The following XKR4 variants were observed in gnomAD, a reference collection of about 807,000 sequenced individuals.
The protein encoded by XKR4 is XK-related protein 4.
A neutral mutation model predicts 53.9 loss-of-function variants in XKR4; 12 were observed. That is an observed-to-expected ratio of 0.22 (90% CI 0.14 to 0.36). The LOEUF (loss-of-function observed/expected upper bound fraction) is 0.36, where lower values mean the gene tolerates loss of function less well. Ranked by LOEUF, XKR4 falls within the 10% of genes least tolerant of loss-of-function variation. XKR4 has a pLI of 1.00. For missense variants in XKR4, 799 were observed against 859.5 expected (o/e 0.93, Z 0.88); for synonymous variants, 354 against 362.4 (o/e 0.98, Z 0.26).
intron 2 of XKR4, among the ~76,000 whole-genome samples, chr8:55,510,312 G>A (rs1413522683): frequency 6.6e-6 from 1 of 152,198 alleles, no homozygotes; most frequent in African/African-American, 2.4e-5. Context: ...GGGTCTCCAG[G>A]CAGAAGGTGG....
chr8:55,494,478 C>G (rs139449659), intron 2 of XKR4, among the ~76,000 whole-genome samples: 6 of 152,278 alleles, frequency 3.9e-5, no homozygotes, highest in Admixed American at 6.5e-5. Context: ...AAGTTCTTGT[C>G]CTGCATCCAG....
intron 2 of XKR4, among the ~76,000 whole-genome samples, chr8:55,434,923 C>T (rs531470847): frequency 1.4e-4 from 22 of 152,316 alleles, no homozygotes; most frequent in Middle Eastern, 6.8e-3. Context: ...GTTCACCCTG[C>T]AGCCCATCAT....
intron 1 of XKR4, chr8:55,140,277 G>A (rs543904442): frequency 3.5e-6 from 1 of 282,250 alleles, no homozygotes; most frequent in East Asian, 1.1e-4. Flanking sequence ...GAAGGGAAGT[G>A]TGACAATTCA....
rs78624988 is a variant in XKR4, at chr8:55,183,202, T to C, written c.806+79908T>C. Among the ~76,000 whole-genome samples, 360 of 151,784 alleles carry C rather than the reference T, an allele frequency of 2.4e-3. 9 individuals are homozygous for C. The East Asian group carries it at 0.063, about 27-fold the overall frequency. Reference sequence around the variant, plus strand: ...TCATAGATTTAAAAATACATATCTTTCTATTTTCAATTTCATTGATTTCTG... The same window carrying C: ...TCATAGATTTAAAAATACATATCTTCCTATTTTCAATTTCATTGATTTCTG... On this transcript the variant is annotated intron_variant, in intron 1 of 2. Coordinates refer to ENST00000327381, the MANE Select transcript of XKR4 (RefSeq NM_052898.2).
chr8:55,468,639 C>G (rs1018476377), intron 2 of XKR4, among the ~76,000 whole-genome samples: 5 of 152,072 alleles, frequency 3.3e-5, no homozygotes, highest in African/African-American at 1.2e-4. Flanking sequence ...TCAAATCTCT[C>G]CTTTTTTATA....
intron 1 of XKR4, among the ~76,000 whole-genome samples, chr8:55,181,727 T>C (rs1282991914): frequency 2.0e-5 from 3 of 152,104 alleles, no homozygotes; most frequent in African/African-American, 7.2e-5. Flanking sequence ...AGTCAGCTGG[T>C]AGAATGAAGA....
chr8:55,289,684 A>AAAGAAAGAAAGAAAGG (rs71256529), intron 1 of XKR4, among the ~76,000 whole-genome samples: 5 of 146,714 alleles, frequency 3.4e-5, no homozygotes, highest in Middle Eastern at 7.0e-3. Context: ...AAAGAGAAAG[A>AAAGAAAGAAAGAAAGG]AAGAAAGAAA....
chr8:55,169,269 T>G (rs1262712543), intron 1 of XKR4, among the ~76,000 whole-genome samples: 3 of 152,252 alleles, frequency 2.0e-5, no homozygotes, highest in African/African-American at 7.2e-5. Context: ...TCGTAGTTCT[T>G]TAAGCCTTTC....
intron 1 of XKR4, among the ~76,000 whole-genome samples, chr8:55,276,716 G>A (rs555995232): frequency 4.5e-4 from 68 of 152,244 alleles, no homozygotes; most frequent in Non-Finnish European, 7.6e-4. Flanking sequence ...TACTATTTCA[G>A]TAAATATTGG....
chr8:55,357,357 A>G (rs1287824192), intron 1 of XKR4, among the ~76,000 whole-genome samples: 1 of 152,218 alleles, frequency 6.6e-6, no homozygotes, highest in Non-Finnish European at 1.5e-5. Context: ...AAACTGACAA[A>G]AAAGAATGTA....
At chr8:55,246,216 G>A (rs563526820) in intron 1 of XKR4, among the ~76,000 whole-genome samples, 6 of 152,274 alleles carry the variant, frequency 3.9e-5, no homozygotes, top group African/African-American at 9.6e-5. Flanking sequence ...CTGAATTGAA[G>A]AAATCACAAG....
intron 2 of XKR4, among the ~76,000 whole-genome samples, chr8:55,437,367 A>G (rs1168900201): frequency 6.6e-6 from 1 of 152,122 alleles, no homozygotes; most frequent in African/African-American, 2.4e-5. Context: ...TTTCTACCCC[A>G]AATCAGATTT....
At chr8:55,257,961 T>C (rs1199657633) in intron 1 of XKR4, among the ~76,000 whole-genome samples, 2 of 152,238 alleles carry the variant, frequency 1.3e-5, no homozygotes, top group African/African-American at 2.4e-5. Context: ...CCACACAAGA[T>C]GAAACAGTCA....
intron 2 of XKR4, among the ~76,000 whole-genome samples, chr8:55,401,337 A>T (rs139678288): frequency 6.6e-6 from 1 of 152,370 alleles, no homozygotes; most frequent in Non-Finnish European, 1.5e-5. Context: ...CATGATGGTT[A>T]TCATGAATCT....
At chr8:55,408,674 G>A (rs2976007) in intron 2 of XKR4, among the ~76,000 whole-genome samples, 91,497 of 151,974 alleles carry the variant, frequency 0.6, 27,897 homozygotes, top group African/African-American at 0.66. Flanking sequence ...AGCAACCCAA[G>A]CTTGTAGGCT....
intron 2 of XKR4, among the ~76,000 whole-genome samples, chr8:55,394,598 G>A (rs549743026): frequency 3.9e-5 from 6 of 152,136 alleles, no homozygotes; most frequent in East Asian, 1.9e-4. Flanking sequence ...CTGGCATGGC[G>A]AAATATCTTT....
At chr8:55,328,945 A>G (rs890386958) in intron 1 of XKR4, among the ~76,000 whole-genome samples, 2 of 152,012 alleles carry the variant, frequency 1.3e-5, no homozygotes, top group Non-Finnish European at 2.9e-5. Context: ...GTGTTTGCTC[A>G]TGGTCTCTCC....
At chr8:55,343,422 G>A (rs1283539788) in intron 1 of XKR4, among the ~76,000 whole-genome samples, 1 of 152,166 alleles carries the variant, frequency 6.6e-6, no homozygotes, top group East Asian at 1.9e-4. Flanking sequence ...GTTGGCACAG[G>A]GAGCTCAGAT....
chr8:55,456,308 G>T (rs1351848531), intron 2 of XKR4, among the ~76,000 whole-genome samples: 1 of 152,178 alleles, frequency 6.6e-6, no homozygotes, highest in Non-Finnish European at 1.5e-5. Context: ...GCATGTGCTT[G>T]TCATCCCAGC....
Sources: gnomAD v4.1 joint callset for allele counts (sites outside exome capture counted in the v4.1 genomes callset) on GRCh38, gnomAD v4.1.1 for gene constraint, MANE v1.5 for transcripts, NCBI Gene and HGNC (gene_info 2026-07-23, HGNC 2026-07-21) for gene names.